PTPRD: variants seen among roughly 807,000 people sequenced by gnomAD.
PTPRD encodes receptor-type tyrosine-protein phosphatase delta.
A neutral mutation model predicts 214.5 loss-of-function variants in PTPRD; 34 were observed. The ratio of observed to expected loss-of-function variants is 0.16; its 90% CI spans 0.12 to 0.21. The LOEUF (loss-of-function observed/expected upper bound fraction) is 0.21. Among genes scored for constraint, PTPRD ranks in the 10% least tolerant of loss-of-function variants. The pLI is 1.00. For missense variants in PTPRD, 2,545 were observed against 2,398.7 expected, an observed-to-expected ratio of 1.06 and a Z score of -1.27; for synonymous variants, 1,128 against 845.7, an observed-to-expected ratio of 1.33 and a Z score of -5.79.
intron 6 of PTPRD, among the ~76,000 whole-genome samples, chr9:9,764,187 T>G (rs2098687635): frequency 6.6e-6 from 1 of 152,196 alleles, no homozygotes; most frequent in South Asian, 2.1e-4. Flanking sequence ...TATTTATTAA[T>G]GAGAGTTGAA....
intron 11 of PTPRD, among the ~76,000 whole-genome samples, chr9:8,894,274 G>A (rs758541777): frequency 2.4e-4 from 35 of 143,520 alleles, no homozygotes; most frequent in Admixed American, 7.4e-5. Context: ...ATTATTGCTT[G>A]AACCTGGGAG....
At chr9:9,612,206 T>C (rs2094548901) in intron 7 of PTPRD, among the ~76,000 whole-genome samples, 1 of 152,040 alleles carries the variant, frequency 6.6e-6, no homozygotes, top group African/African-American at 2.4e-5. Context: ...ATTATACCTA[T>C]CTGTAGGGGG....
chr9:10,369,227 A>T (rs992851374), intron 2 of PTPRD, among the ~76,000 whole-genome samples: 3 of 152,114 alleles, frequency 2.0e-5, no homozygotes, highest in Non-Finnish European at 4.4e-5. Context: ...GACCTTGGCA[A>T]ATACTTTCTA....
intron 7 of PTPRD, among the ~76,000 whole-genome samples, chr9:9,622,933 A>G (rs2095296219): frequency 6.6e-6 from 1 of 152,194 alleles, no homozygotes; most frequent in Admixed American, 6.5e-5. Flanking sequence ...GAGATTTCAC[A>G]TCATTGAGAT....
chr9:9,766,066 G>A (rs948748754), intron 6 of PTPRD, among the ~76,000 whole-genome samples: 10 of 152,182 alleles, frequency 6.6e-5, no homozygotes, highest in Admixed American at 6.6e-4. Context: ...TATTTTGTCA[G>A]TTGTCATCCT....
At chr9:8,746,272 T>C (rs2092795477) in intron 11 of PTPRD, among the ~76,000 whole-genome samples, 2 of 152,164 alleles carry the variant, frequency 1.3e-5, no homozygotes, top group African/African-American at 4.8e-5. Flanking sequence ...AACATGGCCA[T>C]ATTGAAAGAA....
In PTPRD at chr9:8,507,418, T is replaced by C. The variant is rs373006429; in HGVS notation, c.1560A>G (p.Leu520=). 5 of 1,614,002 alleles carry C rather than the reference T, an allele frequency of 3.1e-6. No individual in the cohort carries two copies. The highest frequency in any genetic ancestry group is 3.4e-6 in the Non-Finnish European group (4 of 1,179,850). The change falls in exon 22 of 46, where the codon CTA becomes CTG. Residue 520 remains leucine, a synonymous_variant. Transcript: ENST00000381196. ...CAGACTCAGGTTCTGCTTTGAAGTT[T>C]AGTGGCTGCCCTGGTACTAAAAACA... ...ITQTGVPGQP[L]NFKAEPESET...
intron 32 of PTPRD, 101 bp from the exon 33 acceptor site, chr9:8,460,672 A>T: frequency 6.8e-6 from 8 of 1,180,736 alleles, no homozygotes; most frequent in Non-Finnish European, 8.3e-6. Flanking sequence ...TAGTGGATTT[A>T]ATGATAAGTG....
At chr9:9,437,768 T>C (rs567239784) in intron 8 of PTPRD, among the ~76,000 whole-genome samples, 57 of 152,176 alleles carry the variant, frequency 3.7e-4, no homozygotes, top group Non-Finnish European at 7.5e-4. Context: ...CTGCTCTGGG[T>C]TCAAATTTCA....
intron 14 of PTPRD, among the ~76,000 whole-genome samples, chr9:8,588,860 G>A (rs992186399): frequency 2.0e-5 from 3 of 151,996 alleles, no homozygotes; most frequent in African/African-American, 7.2e-5. Context: ...GTTTCAAAAG[G>A]ATAATCTGGA....
rs972359227 is a variant in PTPRD, at chr9:8,503,079, A to C, written c.1822+1182T>G. On this transcript the variant is annotated intron_variant, in intron 23 of 45. Transcript: ENST00000381196. ...ATGAAAGAAAATTTTATGGGAATAAACGATAATCACTAATAGATTAAACAT... is the reference window on the plus strand; with the variant it reads ...ATGAAAGAAAATTTTATGGGAATAACCGATAATCACTAATAGATTAAACAT... 2.6e-5 allele frequency among the ~76,000 whole-genome samples: 4 copies of C among 152,046 alleles called. No individual in the cohort carries two copies. The East Asian group carries it at 7.7e-4, about 29-fold the overall frequency.
At chr9:10,163,795 A>T (rs2099142740) in intron 3 of PTPRD, among the ~76,000 whole-genome samples, 1 of 151,508 alleles carries the variant, frequency 6.6e-6, no homozygotes, top group African/African-American at 2.4e-5. Context: ...ATTTTCATGC[A>T]GGTTAATGCC....
chr9:8,661,599 C>A (rs959830156), intron 12 of PTPRD, among the ~76,000 whole-genome samples: 2 of 152,002 alleles, frequency 1.3e-5, no homozygotes, highest in Non-Finnish European at 2.9e-5. Flanking sequence ...TTTTCACTAA[C>A]GTTTAAAAAT....
intron 11 of PTPRD, among the ~76,000 whole-genome samples, chr9:8,795,859 T>G (rs959826794): frequency 6.6e-6 from 1 of 152,192 alleles, no homozygotes; most frequent in African/African-American, 2.4e-5. Context: ...TACTCTCATT[T>G]TGAAAAATAA....
chr9:10,116,670 A>T (rs1247891741), intron 3 of PTPRD, among the ~76,000 whole-genome samples: 1 of 152,130 alleles, frequency 6.6e-6, no homozygotes, highest in Non-Finnish European at 1.5e-5. Flanking sequence ...ACAAAAGATT[A>T]AATGCACCTG....
intron 3 of PTPRD, among the ~76,000 whole-genome samples, chr9:10,071,966 GTGTATT>G (rs2098028406): frequency 2.6e-5 from 4 of 151,702 alleles, no homozygotes; most frequent in African/African-American, 9.7e-5. Context: ...AAGAGATCCT[GTGTATT>G]TGCTACTTAG....
chr9:8,511,061 T>A (rs574505961), intron 21 of PTPRD, among the ~76,000 whole-genome samples: 1 of 151,890 alleles, frequency 6.6e-6, no homozygotes, highest in Non-Finnish European at 1.5e-5. Context: ...TTTACCTACA[T>A]TTTATTTATA....
At chr9:10,206,920 G>A (rs975610907) in intron 3 of PTPRD, among the ~76,000 whole-genome samples, 18 of 152,074 alleles carry the variant, frequency 1.2e-4, no homozygotes, top group African/African-American at 4.3e-4. Context: ...TCATCACAAT[G>A]TAAAAATTAT....
chr9:9,451,998 G>A (rs10977763), intron 8 of PTPRD, among the ~76,000 whole-genome samples: 15,863 of 151,272 alleles, frequency 0.1, 1,150 homozygotes, highest in East Asian at 0.3. Flanking sequence ...ATTATCATAC[G>A]TACAGTATAA....
Sources: allele counts gnomAD v4.1 joint callset (sites outside exome capture counted in the v4.1 genomes callset), GRCh38; gene constraint gnomAD v4.1.1; transcripts MANE v1.5; gene names NCBI Gene and HGNC (gene_info 2026-07-23, HGNC 2026-07-21).